RANBP2: variants seen among roughly 807,000 people sequenced by gnomAD.
The protein encoded by RANBP2 is E3 SUMO-protein ligase RanBP2.
In RANBP2, 57 loss-of-function variants were observed where a neutral mutation model predicts 303.6. The ratio of observed to expected loss-of-function variants is 0.19; its 90% CI spans 0.15 to 0.23. The LOEUF (loss-of-function observed/expected upper bound fraction) is 0.23. Ranked by LOEUF, RANBP2 falls within the 10% of genes least tolerant of loss-of-function variation. RANBP2 has a pLI of 1.00. For synonymous variants in RANBP2, 1,167 were observed against 1,301.5 expected, an observed-to-expected ratio of 0.90 and a Z score of 2.23; for missense variants, 3,138 against 3,780.8, an observed-to-expected ratio of 0.83 and a Z score of 4.46.
At chr2:109,398,580 TCTCA>T in the RANBP2 span, 1 of 1,542,962 alleles carries the variant, frequency 6.5e-7, no homozygotes, top group Non-Finnish European at 8.7e-7. Context: ...CTCTCCCCTT[TCTCA>T]CTCAGCTCAA....
At chr2:108,877,632 C>T in the RANBP2 span, among the ~76,000 whole-genome samples, 1 of 152,062 alleles carries the variant, frequency 6.6e-6, no homozygotes, top group Non-Finnish European at 1.5e-5. Flanking sequence ...ATGGCAGATA[C>T]TAGGACAGAG....
At chr2:109,711,780 C>T in the RANBP2 span, among the ~76,000 whole-genome samples, 1 of 152,164 alleles carries the variant, frequency 6.6e-6, no homozygotes, top group Non-Finnish European at 1.5e-5. Context: ...AGTGAAGCAG[C>T]CCCCTTTGTC....
At chr2:108,779,349 G>C (rs746685023) in intron 25 of RANBP2, among the ~76,000 whole-genome samples, 1 of 151,876 alleles carries the variant, frequency 6.6e-6, no homozygotes, top group Non-Finnish European at 1.5e-5. Flanking sequence ...ATTTTTAGTA[G>C]AGATGGGGTT....
At chr2:109,674,407 C>T in the RANBP2 span, among the ~76,000 whole-genome samples, 1 of 70,166 alleles carries the variant, frequency 1.4e-5, no homozygotes, top group African/African-American at 5.9e-5. Context: ...GACCTTGTGT[C>T]TCCAAAAAAA....
chr2:109,260,473 T>C, the RANBP2 span, among the ~76,000 whole-genome samples: 1 of 152,230 alleles, frequency 6.6e-6, no homozygotes, highest in Non-Finnish European at 1.5e-5. Context: ...CCAGTGGCTG[T>C]ATCTGGGTTT....
the RANBP2 span, among the ~76,000 whole-genome samples, chr2:109,339,182 A>G: frequency 6.7e-6 from 1 of 149,622 alleles, no homozygotes; most frequent in Non-Finnish European, 1.5e-5. Flanking sequence ...TAGGCAGAGA[A>G]GGGAGGCACA....
At chr2:108,962,674 CAAAAA>C in the RANBP2 span, among the ~76,000 whole-genome samples, 4 of 66,864 alleles carry the variant, frequency 6.0e-5, no homozygotes, top group East Asian at 1.3e-3. Flanking sequence ...GACTCTGTCT[CAAAAA>C]AAAAAAAAAA....
chr2:109,121,120 C>A, the RANBP2 span, among the ~76,000 whole-genome samples: 1,194 of 152,172 alleles, frequency 7.8e-3, 11 homozygotes, highest in East Asian at 0.037. Flanking sequence ...AGGTGGCAGG[C>A]GCCTGTAGTC....
the RANBP2 span, among the ~76,000 whole-genome samples, chr2:109,314,190 G>A: frequency 2.0e-5 from 3 of 152,166 alleles, no homozygotes; most frequent in Non-Finnish European, 2.9e-5. Flanking sequence ...GCGGGTGGGT[G>A]TCCAGAGATG....
At chr2:109,329,178 G>A in the RANBP2 span, among the ~76,000 whole-genome samples, 11 of 151,982 alleles carry the variant, frequency 7.2e-5, no homozygotes, top group Non-Finnish European at 1.5e-4. Context: ...CATTTGTTTG[G>A]TGTTCCCTCT....
chr2:109,082,041 C>T, the RANBP2 span, among the ~76,000 whole-genome samples: 503 of 152,344 alleles, frequency 3.3e-3, 7 homozygotes, highest in African/African-American at 0.012. Context: ...AATGCAAAGG[C>T]GGAGCCCACC....
At chr2:109,008,087 G>A in the RANBP2 span, among the ~76,000 whole-genome samples, 2 of 152,120 alleles carry the variant, frequency 1.3e-5, no homozygotes, top group African/African-American at 4.8e-5. Context: ...TACGGAACTG[G>A]CCCCACACTG....
At chr2:109,251,768 A>AATAGTC in the RANBP2 span, 1 of 551,584 alleles carries the variant, frequency 1.8e-6, no homozygotes, top group Non-Finnish European at 3.2e-6. Context: ...AAACTTTTGT[A>AATAGTC]ATAGTCAAAA....
chr2:109,060,397 C>A, the RANBP2 span, among the ~76,000 whole-genome samples: 11 of 152,058 alleles, frequency 7.2e-5, 1 homozygote, highest in Non-Finnish European at 1.5e-4. Context: ...AAGCAAAAAA[C>A]AGAGCTGAAT....
the RANBP2 span, among the ~76,000 whole-genome samples, chr2:109,208,186 A>G: frequency 6.6e-6 from 1 of 152,190 alleles, no homozygotes; most frequent in African/African-American, 2.4e-5. Flanking sequence ...TGTGGCACCT[A>G]CCTGGCTCTG....
the RANBP2 span, among the ~76,000 whole-genome samples, chr2:109,413,582 A>T: frequency 6.6e-6 from 1 of 152,096 alleles, no homozygotes; most frequent in Admixed American, 6.6e-5. Context: ...AGAATGGAGA[A>T]CAGCTTTGTC....
chr2:109,582,243 C>T, the RANBP2 span, among the ~76,000 whole-genome samples: 1 of 152,018 alleles, frequency 6.6e-6, no homozygotes, highest in Admixed American at 6.6e-5. Context: ...CTCATGGAAT[C>T]AATATAGTTG....
the RANBP2 span, among the ~76,000 whole-genome samples, chr2:109,231,265 A>G: frequency 1.3e-5 from 2 of 152,228 alleles, no homozygotes; most frequent in African/African-American, 4.8e-5. Flanking sequence ...TTTCTTCTAC[A>G]GCTGAGAGGA....
the RANBP2 span, among the ~76,000 whole-genome samples, chr2:109,528,304 C>T: frequency 6.6e-6 from 1 of 152,396 alleles, no homozygotes; most frequent in East Asian, 1.9e-4. Flanking sequence ...CAGCCCAGCA[C>T]AAGGCCCAGC....
Sources: gnomAD v4.1 joint callset for allele counts (sites outside exome capture counted in the v4.1 genomes callset) on GRCh38, gnomAD v4.1.1 for gene constraint, MANE v1.5 for transcripts, NCBI Gene and HGNC (gene_info 2026-07-23, HGNC 2026-07-21) for gene names.